The following GAN variants were observed in gnomAD, a reference collection of about 807,000 sequenced individuals.
GAN encodes gigaxonin.
Under a neutral mutation model 71.3 loss-of-function variants are expected in GAN, and 48 were observed. The observed-to-expected ratio is 0.67, with a 90% CI of 0.53 to 0.86. The LOEUF (loss-of-function observed/expected upper bound fraction) is 0.86, where lower values mean the gene tolerates loss of function less well. Ranked by LOEUF, GAN falls within the 40% of genes least tolerant of loss-of-function variation. The pLI, the probability that GAN is intolerant of heterozygous loss-of-function variation, is 0.00. For missense variants in GAN, 928 were observed against 770.1 expected (o/e 1.21, Z -2.43); for synonymous variants, 386 against 276.8 (o/e 1.39, Z -3.92).
chr16:81,321,661 A>C (rs141613652), intron 1 of GAN, among the ~76,000 whole-genome samples: 1 of 152,218 alleles, frequency 6.6e-6, no homozygotes, highest in Non-Finnish European at 1.5e-5. Context: ...TAGGACAAAT[A>C]AGGGTTCATT....
chr16:81,376,644 ATATATGTG>A (rs1567500997), intron 9 of GAN, among the ~76,000 whole-genome samples: 95 of 16,714 alleles, frequency 5.7e-3, no homozygotes, highest in African/African-American at 0.035. Context: ...ATATGTGTGT[ATATATGTG>A]TGTATATATG....
In GAN at chr16:81,377,540, C is replaced by T. The variant is rs1904285923; in HGVS notation, c.1738C>T (p.Leu580Phe). 6.2e-7 allele frequency: 1 copy of T among 1,614,222 alleles called. No individual in the cohort carries two copies. Residue 580 changes from leucine (L) to phenylalanine (F), a missense_variant, in exon 11 of 11, where the codon CTT becomes TTT. By Grantham distance (22) the Leu-to-Phe change is conservative (BLOSUM62 0). Transcript: ENST00000648994. ...AGCCTTACGCATTGCGAATTGCAAGCTTTTCCGCCTGCAGCTTCAGCAAGG... is the reference window on the plus strand; with the variant it reads ...AGCCTTACGCATTGCGAATTGCAAGTTTTTCCGCCTGCAGCTTCAGCAAGG... ...CAALRIANCK[L>F]FRLQLQQGLF... is the part of the protein sequence containing the mutation.
intron 1 of GAN, among the ~76,000 whole-genome samples, chr16:81,324,879 C>T (rs575470881): frequency 1.3e-5 from 2 of 152,290 alleles, no homozygotes; most frequent in South Asian, 2.1e-4. Flanking sequence ...AACCAGCGGC[C>T]GTTTCAGCAG....
chr16:81,344,818 C>G (rs1157306483), intron 1 of GAN, among the ~76,000 whole-genome samples: 1 of 152,108 alleles, frequency 6.6e-6, no homozygotes, highest in African/African-American at 2.4e-5. Context: ...AACGGGCAAC[C>G]TACAGAATGG....
At chr16:81,344,193 A>G (rs992439538) in intron 1 of GAN, among the ~76,000 whole-genome samples, 1 of 152,236 alleles carries the variant, frequency 6.6e-6, no homozygotes, top group African/African-American at 2.4e-5. Context: ...TGCCCAAAGT[A>G]ATTTATAGAT....
chr16:81,354,296 T>C (rs1160743877), intron 2 of GAN, 109 bp from the exon 3 acceptor site: 1 of 780,888 alleles, frequency 1.3e-6, no homozygotes, highest in East Asian at 2.5e-5. Flanking sequence ...TATTCGATTA[T>C]CTTTGATCTA....
rs1465938484 is a variant in GAN, at chr16:81,315,090, G to C, written c.-24G>C. 3 of 1,467,834 alleles carry C rather than the reference G, an allele frequency of 2.0e-6. No individual in the cohort carries two copies. The highest frequency in any genetic ancestry group is 1.8e-6 in the Non-Finnish European group (2 of 1,104,260). The allele number at this position is 1,467,834 out of a possible 1,614,324, so 90.9% of individuals were successfully genotyped here. ...CCGGACGGTGTCGGGAGCCGGACCC[G>C]TCGGCAGAGGAGCGGGCGCCGCGAT... On this transcript the variant is annotated 5_prime_UTR_variant, in exon 1 of 11. Transcript: ENST00000648994.
chr16:81,329,634 G>T (rs957507711), intron 1 of GAN, among the ~76,000 whole-genome samples: 1 of 152,128 alleles, frequency 6.6e-6, no homozygotes, highest in African/African-American at 2.4e-5. Flanking sequence ...ATCTTGACCT[G>T]TCTGCTGTAT....
At chr16:81,326,825 T>A (rs1255747554) in intron 1 of GAN, among the ~76,000 whole-genome samples, 1 of 152,172 alleles carries the variant, frequency 6.6e-6, no homozygotes, top group South Asian at 2.1e-4. Flanking sequence ...AGCAAAAATA[T>A]GGCATGATAA....
chr16:81,333,763 T>C (rs1456420396), intron 1 of GAN, among the ~76,000 whole-genome samples: 1 of 152,240 alleles, frequency 6.6e-6, no homozygotes, highest in Admixed American at 6.5e-5. Context: ...GGTGAGAGGC[T>C]AGCTACACAA....
intron 1 of GAN, among the ~76,000 whole-genome samples, chr16:81,340,914 C>T (rs1909920561): frequency 6.6e-6 from 1 of 151,912 alleles, no homozygotes. Context: ...AGACAAATGG[C>T]TAACTAGAAT....
rs1904313913 is a variant in GAN, at chr16:81,383,052, G to A, written c.*5456G>A. 1 of 151,938 alleles carries A rather than the reference G, an allele frequency of 6.6e-6. No individual in the cohort carries two copies. Among genetic ancestry groups the A allele is most frequent in the Admixed American group, 6.6e-5 (1 of 15,242 alleles). The allele number at this position is 151,938 out of a possible 1,614,324, so 9.4% of individuals were successfully genotyped here. ...TGATCTTAAACTCCTGGCCTCAGAT[G>A]TGGAGACCCAGCTGGGACTACAGGC... On this transcript the variant is annotated 3_prime_UTR_variant, in exon 11 of 11. Coordinates refer to ENST00000648994, the MANE Select transcript of GAN (RefSeq NM_022041.4).
chr16:81,338,981 A>C (rs1388181092), intron 1 of GAN, among the ~76,000 whole-genome samples: 1 of 152,242 alleles, frequency 6.6e-6, no homozygotes, highest in African/African-American at 2.4e-5. Flanking sequence ...ATAGAAGCTC[A>C]AGAGTTTAGA....
intron 1 of GAN, among the ~76,000 whole-genome samples, chr16:81,337,455 C>T (rs1909801274): frequency 6.6e-6 from 1 of 152,220 alleles, no homozygotes; most frequent in Non-Finnish European, 1.5e-5. Context: ...GACTTATTCT[C>T]TATCACTGTT....
intron 3 of GAN, among the ~76,000 whole-genome samples, chr16:81,355,239 G>C (rs1486500701): frequency 6.6e-6 from 1 of 152,188 alleles, no homozygotes; most frequent in Non-Finnish European, 1.5e-5. Context: ...GGCAGGCTCT[G>C]GAGTTTGTGT....
intron 9 of GAN, among the ~76,000 whole-genome samples, chr16:81,370,930 A>G (rs573015135): frequency 1.3e-4 from 20 of 152,378 alleles, no homozygotes; most frequent in African/African-American, 4.8e-4. Flanking sequence ...GCACACCATG[A>G]AAGCCTTCAA....
chr16:81,345,639 G>C (rs1910094209), intron 1 of GAN, among the ~76,000 whole-genome samples: 2 of 152,174 alleles, frequency 1.3e-5, no homozygotes, highest in African/African-American at 4.8e-5. Flanking sequence ...AGAAATATCT[G>C]ATGTAGGTGA....
At chr16:81,361,766 C>T (rs914021491) in intron 5 of GAN, among the ~76,000 whole-genome samples, 1 of 152,166 alleles carries the variant, frequency 6.6e-6, no homozygotes, top group South Asian at 2.1e-4. Context: ...ATGATCACAG[C>T]CCACTTCAGC....
intron 5 of GAN, 105 bp downstream of exon 5, chr16:81,358,036 C>A: frequency 1.0e-6 from 1 of 977,068 alleles, no homozygotes; most frequent in African/African-American, 1.6e-5. Context: ...ATTTTATTAT[C>A]TCTACATGAC....
Sources: allele counts gnomAD v4.1 joint callset (sites outside exome capture counted in the v4.1 genomes callset), GRCh38; gene constraint gnomAD v4.1.1; transcripts MANE v1.5; gene names NCBI Gene and HGNC (gene_info 2026-07-23, HGNC 2026-07-21).